The following SLC35F4 variants were observed in gnomAD, a reference collection of about 807,000 sequenced individuals.
The protein encoded by SLC35F4 is solute carrier family 35 member F4.
A neutral mutation model predicts 44.2 loss-of-function variants in SLC35F4; 24 were observed. The ratio of observed to expected loss-of-function variants is 0.54; its 90% confidence interval spans 0.39 to 0.76. The LOEUF is 0.76. Among genes scored for constraint, SLC35F4 ranks in the 30% least tolerant of loss-of-function variants. The pLI is 0.00. For synonymous variants in SLC35F4, 238 were observed against 223.6 expected (o/e 1.06, Z -0.57); for missense variants, 562 against 586.1 (o/e 0.96, Z 0.42).
At chr14:57,870,240 C>T (rs1372308102), upstream of SLC35F4, among the ~76,000 whole-genome samples, 3 of 151,362 alleles carry the variant, frequency 2.0e-5, no homozygotes, top group African/African-American at 7.3e-5. Flanking sequence ...CTGTCTATCT[C>T]TCTGTATGTT....
In SLC35F4 at chr14:57,890,636, C is replaced by G. The variant is rs74426079; in HGVS notation, n.282+91277G>C. ...TAGGCCTCTCTGAAACACACAAGCTCTTTTTCCCAATGTTCTCACCATTGT... is the reference window on the plus strand; with the variant it reads ...TAGGCCTCTCTGAAACACACAAGCTGTTTTTCCCAATGTTCTCACCATTGT... On this transcript the variant is annotated intron_variant and non_coding_transcript_variant, in intron 1 of 1. Coordinates refer to the SLC35F4 transcript ENST00000556568. Among the ~76,000 whole-genome samples the G allele has an allele frequency of 5.0e-3, 762 of 152,230 alleles. 7 individuals are homozygous for G. Among genetic ancestry groups the G allele is most frequent in the African/African-American group, 0.018 (731 of 41,538 alleles).
intron 1 of SLC35F4, among the ~76,000 whole-genome samples, chr14:57,916,903 C>G (rs1003310722): frequency 1.3e-5 from 2 of 152,124 alleles, no homozygotes; most frequent in African/African-American, 2.4e-5. Context: ...TTTTCCAAAC[C>G]ATGTCCAGTC....
chr14:57,958,596 G>C (rs1489678270), intron 1 of SLC35F4, among the ~76,000 whole-genome samples: 1 of 152,034 alleles, frequency 6.6e-6, no homozygotes, highest in Non-Finnish European at 1.5e-5. Context: ...TGAATACTTC[G>C]TGTGTATACC....
chr14:57,933,275 G>A (rs978291833), intron 1 of SLC35F4, among the ~76,000 whole-genome samples: 26 of 151,768 alleles, frequency 1.7e-4, no homozygotes, highest in South Asian at 4.2e-4. Context: ...TGCCCACCTC[G>A]GCCTTCCAAA....
At chr14:57,964,561 G>A (rs906729870) in intron 1 of SLC35F4, among the ~76,000 whole-genome samples, 2 of 152,108 alleles carry the variant, frequency 1.3e-5, no homozygotes, top group Non-Finnish European at 2.9e-5. Context: ...TTAAAATGAT[G>A]ATTTTTCAAA....
At chr14:57,781,869 C>T (rs561595992) in intron 1 of SLC35F4, among the ~76,000 whole-genome samples, 2 of 152,224 alleles carry the variant, frequency 1.3e-5, no homozygotes, top group South Asian at 2.1e-4. Flanking sequence ...GATGAGAACA[C>T]ATGGACACAA....
At chr14:57,955,942 T>G (rs1457372012) in intron 1 of SLC35F4, among the ~76,000 whole-genome samples, 2 of 152,172 alleles carry the variant, frequency 1.3e-5, no homozygotes, top group Non-Finnish European at 2.9e-5. Context: ...AAAAACTACT[T>G]TAAATTTTCT....
chr14:57,663,815 A>G (rs2074217162), intron 1 of SLC35F4, among the ~76,000 whole-genome samples: 1 of 152,192 alleles, frequency 6.6e-6, no homozygotes, highest in Admixed American at 6.5e-5. Context: ...CCAAGAAAAT[A>G]CAAACCATCC....
At chr14:57,747,497 C>T (rs918787521) in intron 1 of SLC35F4, among the ~76,000 whole-genome samples, 9 of 151,996 alleles carry the variant, frequency 5.9e-5, no homozygotes, top group African/African-American at 1.7e-4. Context: ...ATGATGAACC[C>T]CCAGTATGGT....
At chr14:57,748,502 AC>A (rs1376645141) in intron 1 of SLC35F4, among the ~76,000 whole-genome samples, 11 of 152,098 alleles carry the variant, frequency 7.2e-5, no homozygotes, top group African/African-American at 2.7e-4. Context: ...TATTGCTTAA[AC>A]AGGGCCTCAC....
rs574858537 is a variant in SLC35F4, at chr14:57,776,196, G to T, written c.103+89527C>A. Among the ~76,000 whole-genome samples, 6 of 152,294 alleles carry T rather than the reference G, an allele frequency of 3.9e-5. No homozygotes were observed. The East Asian group carries it at 9.6e-4, about 24-fold the overall frequency. ...CACTGGTGTTCCTGAAAGAGATGGG[G>T]TGAATGGAAGCAACTTGGAAAATTT... On this transcript the variant is annotated intron_variant, in intron 1 of 7. Transcript: ENST00000556826.
chr14:57,583,051 T>A (rs982801967), intron 3 of SLC35F4, among the ~76,000 whole-genome samples: 4 of 152,322 alleles, frequency 2.6e-5, no homozygotes, highest in African/African-American at 9.6e-5. Flanking sequence ...GTAAGGAGGC[T>A]TCCAAAAAGG....
rs192757841 is a variant in SLC35F4, at chr14:57,788,462, A to G, written c.103+77261T>C. On this transcript the variant is annotated intron_variant, in intron 1 of 7. Transcript: ENST00000556826. ...ATTTCATCCAACAACCACAGAATACACATTCTATTAAACAGTGCATGGAAC... is the reference window on the plus strand; with the variant it reads ...ATTTCATCCAACAACCACAGAATACGCATTCTATTAAACAGTGCATGGAAC... Among the ~76,000 whole-genome samples, 52 of 152,272 alleles carry G rather than the reference A, an allele frequency of 3.4e-4. 1 individual carries two copies. The highest frequency in any genetic ancestry group is 3.1e-3 in the Admixed American group (48 of 15,290).
intron 1 of SLC35F4, among the ~76,000 whole-genome samples, chr14:57,886,821 A>G (rs1246252935): frequency 2.6e-5 from 4 of 152,208 alleles, no homozygotes; most frequent in Non-Finnish European, 4.4e-5. Context: ...AGCTAAATTA[A>G]CCAGGCATAA....
intron 1 of SLC35F4, among the ~76,000 whole-genome samples, chr14:57,739,525 TTCTTCC>T (rs1247894014): frequency 6.6e-6 from 1 of 152,214 alleles, no homozygotes; most frequent in East Asian, 1.9e-4. Flanking sequence ...TGGGTGATTT[TTCTTCC>T]TCTTCCTCTT....
At chr14:57,729,446 A>C (rs2140466494) in intron 1 of SLC35F4, among the ~76,000 whole-genome samples, 1 of 152,286 alleles carries the variant, frequency 6.6e-6, no homozygotes, top group African/African-American at 2.4e-5. Flanking sequence ...CTCTTTAGTC[A>C]GCAGGTGATG....
intron 1 of SLC35F4, among the ~76,000 whole-genome samples, chr14:57,946,753 G>T (rs1257054185): frequency 1.3e-5 from 2 of 152,088 alleles, no homozygotes; most frequent in African/African-American, 4.8e-5. Context: ...TGGGATTACA[G>T]GCATGAGCCA....
intron 1 of SLC35F4, among the ~76,000 whole-genome samples, chr14:57,917,555 G>A (rs989932633): frequency 6.6e-6 from 1 of 151,902 alleles, no homozygotes; most frequent in African/African-American, 2.4e-5. Context: ...TTACTGAAAG[G>A]CAGACATGAT....
chr14:57,874,686 T>A (rs1340074245), intron 1 of SLC35F4, among the ~76,000 whole-genome samples: 1 of 152,126 alleles, frequency 6.6e-6, no homozygotes, highest in Non-Finnish European at 1.5e-5. Context: ...TTCTAACTGC[T>A]CCTTATGTGC....
Sources: gnomAD v4.1 joint callset for allele counts (sites outside exome capture counted in the v4.1 genomes callset) on GRCh38, gnomAD v4.1.1 for gene constraint, MANE v1.5 for transcripts, NCBI Gene and HGNC (gene_info 2026-07-23, HGNC 2026-07-21) for gene names.